CADM2: variants seen among roughly 807,000 people sequenced by gnomAD.
CADM2 encodes immunoglobulin superfamily member 4D.
Under a neutral mutation model 49.8 loss-of-function variants are expected in CADM2, and 12 were observed. That is an observed-to-expected ratio of 0.24 (90% CI 0.15 to 0.39). CADM2 has a LOEUF of 0.39. Among genes scored for constraint, CADM2 ranks in the 10% least tolerant of loss-of-function variants. The pLI, the probability that CADM2 is intolerant of heterozygous loss-of-function variation, is 1.00. For synonymous variants in CADM2, 214 were observed against 175.4 expected (o/e 1.22, Z -1.74); for missense variants, 378 against 492.3 (o/e 0.77, Z 2.20).
At chr3:85,932,917 C>A (rs563137846) in intron 6 of CADM2, among the ~76,000 whole-genome samples, 1 of 152,036 alleles carries the variant, frequency 6.6e-6, no homozygotes, top group East Asian at 1.9e-4. Context: ...AGTATATTAT[C>A]TGCTTTGGCG....
In CADM2 at chr3:85,517,610, TTTG is replaced by T. The variant is rs141110549; in HGVS notation, c.62-208909_62-208907del. Among the ~76,000 whole-genome samples the T allele has an allele frequency of 8.9e-3, 1,359 of 152,252 alleles. 23 individuals carry two copies. The highest frequency in any genetic ancestry group is 0.03 in the African/African-American group (1,267 of 41,546). On this transcript the variant is annotated intron_variant, in intron 1 of 9. Transcript: ENST00000383699. ...ACTATGCTTAACTCTAAAACTCAAT[TTTG>T]TTAGATTTTATTTTGTTCTTCAAGC...
At position 86,049,451 on chromosome 3, in the gene CADM2, T is replaced by A. The variant is rs188729367; in HGVS notation, c.971-16154T>A. Reference sequence around the variant, plus strand: ...CACCACGCCCGGCTAATTTTTTGTATTTTTAGTAGAGATGGGGTTTCACCA... The same window carrying A: ...CACCACGCCCGGCTAATTTTTTGTAATTTTAGTAGAGATGGGGTTTCACCA... On this transcript the variant is annotated intron_variant, in intron 8 of 9. Coordinates refer to ENST00000383699, the MANE Select transcript of CADM2 (RefSeq NM_001167675.2). Among the ~76,000 whole-genome samples, 628 of 151,962 alleles carry A rather than the reference T, an allele frequency of 4.1e-3. 3 individuals carry two copies. The highest frequency in any genetic ancestry group is 0.015 in the African/African-American group (604 of 41,456).
intron 3 of CADM2, among the ~76,000 whole-genome samples, chr3:85,833,089 T>G (rs1226803310): frequency 6.6e-6 from 1 of 151,918 alleles, no homozygotes; most frequent in African/African-American, 2.4e-5. Flanking sequence ...TAATTTTGTT[T>G]TAAATTCAGT....
At chr3:85,160,785 A>G (rs2040298889) in intron 1 of CADM2, among the ~76,000 whole-genome samples, 1 of 152,230 alleles carries the variant, frequency 6.6e-6, no homozygotes, top group Non-Finnish European at 1.5e-5. Flanking sequence ...GCTCTGAGGA[A>G]CTATATAACC....
chr3:84,998,136 G>T (rs1359131612), intron 1 of CADM2, among the ~76,000 whole-genome samples: 2 of 152,022 alleles, frequency 1.3e-5, no homozygotes, highest in Non-Finnish European at 2.9e-5. Context: ...TCCCACGAGG[G>T]TTCATTTGAC....
chr3:85,671,851 C>A (rs1036435761), intron 1 of CADM2, among the ~76,000 whole-genome samples: 1 of 151,976 alleles, frequency 6.6e-6, no homozygotes, highest in Non-Finnish European at 1.5e-5. Flanking sequence ...TTCTCTGTCC[C>A]CTAGTATTTC....
At chr3:85,619,305 A>G (rs1029207366) in intron 1 of CADM2, among the ~76,000 whole-genome samples, 10 of 151,714 alleles carry the variant, frequency 6.6e-5, no homozygotes, top group Middle Eastern at 3.4e-3. Context: ...CTGGAAACTG[A>G]TTTTCTTAAT....
chr3:85,407,469 C>T (rs975267915), intron 1 of CADM2, among the ~76,000 whole-genome samples: 22 of 152,144 alleles, frequency 1.4e-4, no homozygotes, highest in African/African-American at 5.3e-4. Flanking sequence ...AAATATCCCC[C>T]TAACCTCTCA....
chr3:85,636,986 T>G (rs1691819492), intron 1 of CADM2, among the ~76,000 whole-genome samples: 2 of 152,210 alleles, frequency 1.3e-5, no homozygotes, highest in Admixed American at 6.5e-5. Flanking sequence ...TTAGAGAGGT[T>G]ATTGTTGAAT....
intron 2 of CADM2, among the ~76,000 whole-genome samples, chr3:85,739,465 T>C (rs542115366): frequency 1.3e-5 from 2 of 152,192 alleles, no homozygotes; most frequent in African/African-American, 2.4e-5. Context: ...CTTAGCTCTA[T>C]TGATATTTGT....
At position 85,000,011 on chromosome 3, in the gene CADM2, C is replaced by T. The variant is rs140954121; in HGVS notation, c.61+40343C>T. Among the ~76,000 whole-genome samples the T allele has an allele frequency of 4.7e-3, 717 of 152,046 alleles. 7 individuals are homozygous for T. Among genetic ancestry groups the T allele is most frequent in the African/African-American group, 0.016 (672 of 41,498 alleles). ...TTTCTGAAGAATTTACATCAAATTT[C>T]GGTTTTAATGTTTACGATATTTACC... On this transcript the variant is annotated intron_variant, in intron 1 of 9. Transcript: ENST00000383699.
intron 1 of CADM2, among the ~76,000 whole-genome samples, chr3:85,172,838 T>C (rs1271481439): frequency 6.8e-6 from 1 of 146,826 alleles, no homozygotes; most frequent in Non-Finnish European, 1.5e-5. Flanking sequence ...ATATAATATA[T>C]ATATTATATA....
At chr3:85,579,952 G>A (rs1330625326) in intron 1 of CADM2, among the ~76,000 whole-genome samples, 2 of 152,052 alleles carry the variant, frequency 1.3e-5, no homozygotes, top group Non-Finnish European at 2.9e-5. Flanking sequence ...TACACATATG[G>A]GAAGAAGTCA....
intron 1 of CADM2, among the ~76,000 whole-genome samples, chr3:85,387,629 A>T (rs1576463803): frequency 6.6e-6 from 1 of 152,180 alleles, no homozygotes; most frequent in African/African-American, 2.4e-5. Flanking sequence ...CTATATTTTA[A>T]TGCGGTTTTA....
intron 1 of CADM2, among the ~76,000 whole-genome samples, chr3:85,640,593 C>G (rs149067878): frequency 1.2e-4 from 19 of 152,158 alleles, no homozygotes; most frequent in African/African-American, 3.4e-4. Context: ...TTTGGTATGT[C>G]AGGAGCCAAG....
intron 1 of CADM2, among the ~76,000 whole-genome samples, chr3:85,686,005 G>T (rs2066203185): frequency 6.6e-6 from 1 of 152,172 alleles, no homozygotes; most frequent in Non-Finnish European, 1.5e-5. Context: ...TATAGAGAGT[G>T]TATTATAAAT....
chr3:85,283,547 C>T (rs2043556761), intron 1 of CADM2, among the ~76,000 whole-genome samples: 1 of 151,928 alleles, frequency 6.6e-6, no homozygotes, highest in Non-Finnish European at 1.5e-5. Context: ...GGCTGGTGTT[C>T]TGTATTTGAT....
intron 6 of CADM2, among the ~76,000 whole-genome samples, chr3:85,928,834 C>G (rs1720239502): frequency 6.6e-6 from 1 of 152,040 alleles, no homozygotes; most frequent in Non-Finnish European, 1.5e-5. Flanking sequence ...ATTTACTAAG[C>G]ATGAGATATA....
intron 1 of CADM2, among the ~76,000 whole-genome samples, chr3:84,972,037 A>G (rs938340205): frequency 3.3e-5 from 5 of 152,162 alleles, no homozygotes; most frequent in African/African-American, 7.2e-5. Context: ...CAATGGACTA[A>G]TTAAAACTTT....
Sources: allele counts gnomAD v4.1 joint callset (sites outside exome capture counted in the v4.1 genomes callset), GRCh38; gene constraint gnomAD v4.1.1; transcripts MANE v1.5; gene names NCBI Gene and HGNC (gene_info 2026-07-23, HGNC 2026-07-21).